The following RBMS3 variants were observed in gnomAD, a reference collection of about 807,000 sequenced individuals.
The protein encoded by RBMS3 is RNA binding motif single stranded interacting protein 3.
In RBMS3, 27 loss-of-function variants were observed where a neutral mutation model predicts 66.8. That is an observed-to-expected ratio of 0.40 (90% CI 0.30 to 0.56). RBMS3 has a LOEUF of 0.56. Ranked by LOEUF, RBMS3 falls within the 20% of genes least tolerant of loss-of-function variation. RBMS3 has a pLI of 0.40. For synonymous variants in RBMS3, 188 were observed against 183.0 expected, an observed-to-expected ratio of 1.03 and a Z score of -0.22; for missense variants, 513 against 549.5, an observed-to-expected ratio of 0.93 and a Z score of 0.66.
chr3:29,835,189 A>T (rs371228709), intron 6 of RBMS3, among the ~76,000 whole-genome samples: 1 of 152,050 alleles, frequency 6.6e-6, no homozygotes, highest in East Asian at 1.9e-4. Context: ...CAATAATAGT[A>T]GGGAACTTCA....
At chr3:29,464,386 G>A (rs888004749) in intron 2 of RBMS3, among the ~76,000 whole-genome samples, 2 of 152,158 alleles carry the variant, frequency 1.3e-5, no homozygotes, top group Non-Finnish European at 2.9e-5. Context: ...TAATACAGCA[G>A]AGGATAGACT....
At chr3:29,424,602 T>C (rs960501449) in intron 1 of RBMS3, among the ~76,000 whole-genome samples, 3 of 152,166 alleles carry the variant, frequency 2.0e-5, no homozygotes, top group Non-Finnish European at 4.4e-5. Flanking sequence ...GTTGAATTGC[T>C]CCTGTGTCAA....
chr3:29,573,397 A>G (rs2047006781), intron 3 of RBMS3, among the ~76,000 whole-genome samples: 1 of 152,210 alleles, frequency 6.6e-6, no homozygotes, highest in Admixed American at 6.5e-5. Context: ...GATTGCAGGC[A>G]TGAGCCACCA....
At chr3:29,377,533 C>T (rs2038540456) in intron 1 of RBMS3, among the ~76,000 whole-genome samples, 1 of 152,210 alleles carries the variant, frequency 6.6e-6, no homozygotes, top group African/African-American at 2.4e-5. Flanking sequence ...GTGAATCTTC[C>T]TTTACCTCCA....
chr3:29,928,374 A>G (rs201352771), intron 10 of RBMS3, among the ~76,000 whole-genome samples: 3,704 of 131,944 alleles, frequency 0.028, 134 homozygotes, highest in East Asian at 0.14. Flanking sequence ...CTTTCTAAAA[A>G]AAGTATAGAA....
chr3:29,692,868 T>C (rs1227989366), intron 4 of RBMS3, among the ~76,000 whole-genome samples: 1 of 152,194 alleles, frequency 6.6e-6, no homozygotes, highest in Non-Finnish European at 1.5e-5. Context: ...AAGTGATTAG[T>C]GTTCAAGTTT....
chr3:29,312,015 C>T (rs2034406424), intron 1 of RBMS3, among the ~76,000 whole-genome samples: 1 of 151,758 alleles, frequency 6.6e-6, no homozygotes, highest in African/African-American at 2.4e-5. Flanking sequence ...AGAAAGGGCT[C>T]TATAATCAAG....
chr3:29,827,866 A>T (rs1331419270), intron 6 of RBMS3, among the ~76,000 whole-genome samples: 2 of 152,176 alleles, frequency 1.3e-5, no homozygotes, highest in Non-Finnish European at 2.9e-5. Flanking sequence ...AAATGAAATA[A>T]TAAGATTGTG....
At chr3:29,521,800 AG>A (rs1227199484) in intron 3 of RBMS3, among the ~76,000 whole-genome samples, 3 of 152,232 alleles carry the variant, frequency 2.0e-5, no homozygotes, top group African/African-American at 7.2e-5. Flanking sequence ...TCATACAGTC[AG>A]TAAGTGGCAG....
intron 1 of RBMS3, among the ~76,000 whole-genome samples, chr3:29,311,174 A>G (rs142839590): frequency 6.6e-6 from 1 of 151,866 alleles, no homozygotes; most frequent in East Asian, 2.0e-4. Flanking sequence ...GCTAGACATT[A>G]TCTTTTATGT....
chr3:29,695,992 C>T (rs2052256247), intron 4 of RBMS3, among the ~76,000 whole-genome samples: 1 of 152,148 alleles, frequency 6.6e-6, no homozygotes, highest in African/African-American at 2.4e-5. Flanking sequence ...AAACCAAGAC[C>T]AGGCTCTAGG....
At chr3:29,423,612 G>T (rs1221676752) in intron 1 of RBMS3, among the ~76,000 whole-genome samples, 1 of 152,146 alleles carries the variant, frequency 6.6e-6, no homozygotes, top group Non-Finnish European at 1.5e-5. Context: ...CTATAAGAAT[G>T]ATATATATTA....
intron 4 of RBMS3, among the ~76,000 whole-genome samples, chr3:29,701,949 A>G (rs192157114): frequency 0.016 from 2,502 of 152,254 alleles, 38 homozygotes; most frequent in Non-Finnish European, 0.022. Context: ...ACTGGTGGGC[A>G]GCTCTGCCCG....
intron 1 of RBMS3, among the ~76,000 whole-genome samples, chr3:29,292,722 A>T (rs1038993089): frequency 6.6e-6 from 1 of 151,866 alleles, no homozygotes; most frequent in Non-Finnish European, 1.5e-5. Context: ...TATTTATAAG[A>T]AACAGGAAGA....
At chr3:29,495,417 C>CTTTTTTTTTTTT (rs775377508) in intron 3 of RBMS3, among the ~76,000 whole-genome samples, 1 of 111,856 alleles carries the variant, frequency 8.9e-6, no homozygotes. Flanking sequence ...ATATTTCTTT[C>CTTTTTTTTTTTT]TTTTTTTTTT....
Position 29,747,957 on chromosome 3 carries a change from T to C in RBMS3, c.557+8080T>C, listed in dbSNP as rs562728084. ...TATCTGCCTAGGTAATTTGTCTGCC[T>C]GCTGCCTCTATCAGGGAGATGACAA... On this transcript the variant is annotated intron_variant, in intron 5 of 14. Coordinates refer to ENST00000383767, the MANE Select transcript of RBMS3 (RefSeq NM_001003793.3). 1.8e-4 allele frequency among the ~76,000 whole-genome samples: 27 copies of C among 152,132 alleles called. 1 individual carries two copies. In the East Asian group the frequency reaches 5.0e-3, roughly 28 times the overall value.
intron 3 of RBMS3, among the ~76,000 whole-genome samples, chr3:29,560,680 C>T (rs539685158): frequency 3.5e-4 from 53 of 152,266 alleles, no homozygotes; most frequent in East Asian, 7.7e-4. Flanking sequence ...AAGAAGAATC[C>T]GGGGGTGACT....
intron 2 of RBMS3, among the ~76,000 whole-genome samples, chr3:29,482,701 C>CTTTTTTTTTTTTTTTTTTTT (rs755520785): frequency 3.5e-4 from 27 of 77,504 alleles, no homozygotes; most frequent in East Asian, 4.6e-4. Flanking sequence ...TTCTTTCTTT[C>CTTTTTTTTTTTTTTTTTTTT]TTTTTTTTTT....
chr3:29,413,425 C>T (rs202207530), intron 1 of RBMS3, among the ~76,000 whole-genome samples: 140 of 148,522 alleles, frequency 9.4e-4, no homozygotes, highest in African/African-American at 3.4e-3. Context: ...TACATACATA[C>T]ACAGAGTTGC....
Sources: gnomAD v4.1 joint callset for allele counts (sites outside exome capture counted in the v4.1 genomes callset) on GRCh38, gnomAD v4.1.1 for gene constraint, MANE v1.5 for transcripts, NCBI Gene and HGNC (gene_info 2026-07-23, HGNC 2026-07-21) for gene names.